The following UBA2 variants were observed in gnomAD, a reference collection of about 807,000 sequenced individuals.
UBA2 encodes the protein SUMO-activating enzyme subunit 2.
In UBA2, 11 loss-of-function variants were observed where a neutral mutation model predicts 77.2. The observed-to-expected ratio is 0.14, with a 90% confidence interval of 0.09 to 0.24. The LOEUF (loss-of-function observed/expected upper bound fraction) is 0.24. Among genes scored for constraint, UBA2 ranks in the 10% least tolerant of loss-of-function variants. The probability of loss-of-function intolerance (pLI) is 1.00; values close to 1 mark genes in which losing one functional copy is unlikely to be tolerated. For missense variants in UBA2, 487 were observed against 781.7 expected (o/e 0.62, Z 4.50); for synonymous variants, 278 against 276.7 (o/e 1.00, Z -0.05).
intron 5 of UBA2, among the ~76,000 whole-genome samples, chr19:34,437,747 A>T (rs552649760): frequency 2.6e-5 from 4 of 152,098 alleles, no homozygotes; most frequent in Non-Finnish European, 4.4e-5. Flanking sequence ...TGTAATTTTA[A>T]ACTTGAATGT....
chr19:34,441,930 C>CA (rs71165656), intron 6 of UBA2, among the ~76,000 whole-genome samples: 94,134 of 136,328 alleles, frequency 0.69, 33,645 homozygotes, highest in Non-Finnish European at 0.82. Context: ...CAGAAAAAGA[C>CA]AAAAAAAAAA....
At chr19:34,447,493 A>G (rs1401165456) in intron 8 of UBA2, among the ~76,000 whole-genome samples, 1 of 152,202 alleles carries the variant, frequency 6.6e-6, no homozygotes, top group Non-Finnish European at 1.5e-5. Context: ...CAGTATCCTT[A>G]TTTCCATTCC....
chr19:34,448,342 C>T (rs553258709), intron 8 of UBA2, among the ~76,000 whole-genome samples: 2 of 152,222 alleles, frequency 1.3e-5, no homozygotes, highest in East Asian at 1.9e-4. Context: ...CACTTGTAAT[C>T]CTAGCACTTT....
chr19:34,446,958 T>C (rs2075438745), intron 8 of UBA2, among the ~76,000 whole-genome samples: 1 of 152,190 alleles, frequency 6.6e-6, no homozygotes, highest in African/African-American at 2.4e-5. Flanking sequence ...TACAGCCCTT[T>C]TCTAAAACAT....
At chr19:34,438,561 A>G (rs1405599630) in intron 5 of UBA2, 84 bp from the exon 6 acceptor site, 12 of 1,502,272 alleles carry the variant, frequency 8.0e-6, no homozygotes, top group Non-Finnish European at 1.1e-5. Context: ...GTTGGAATAT[A>G]GATGAATGAA....
intron 16 of UBA2, among the ~76,000 whole-genome samples, chr19:34,468,079 T>C (rs1184549640): frequency 6.6e-6 from 1 of 152,214 alleles, no homozygotes; most frequent in Admixed American, 6.5e-5. Context: ...GTGCTTGGTA[T>C]TTTTCCAAAT....
At chr19:34,451,893 TGGTC>T (rs2075503005) in intron 9 of UBA2, 84 bp from the exon 10 acceptor site, 1 of 659,422 alleles carries the variant, frequency 1.5e-6, no homozygotes, top group Non-Finnish European at 2.3e-6. Context: ...GATTTCTTAA[TGGTC>T]GGGGATTGAA....
chr19:34,438,941 G>T (rs2075338595), intron 6 of UBA2, among the ~76,000 whole-genome samples, 175 bp downstream of exon 6: 1 of 152,138 alleles, frequency 6.6e-6, no homozygotes, highest in Non-Finnish European at 1.5e-5. Flanking sequence ...GGGTGCGGTG[G>T]CTCACACCTG....
chr19:34,431,315 C>T (rs996960306), intron 2 of UBA2, among the ~76,000 whole-genome samples: 1 of 122,776 alleles, frequency 8.1e-6, no homozygotes, highest in Non-Finnish European at 1.6e-5. Flanking sequence ...TGGAGTGATG[C>T]GGTCATGGCT....
chr19:34,462,278 CAA>C (rs1216082156), intron 14 of UBA2, among the ~76,000 whole-genome samples: 1 of 152,146 alleles, frequency 6.6e-6, no homozygotes, highest in Non-Finnish European at 1.5e-5. Context: ...TTGAGATTTG[CAA>C]AGTCAGAACT....
At chr19:34,454,151 A>T (rs1356346806) in intron 10 of UBA2, 109 bp from the exon 11 acceptor site, 3 of 983,770 alleles carry the variant, frequency 3.0e-6, no homozygotes, top group African/African-American at 3.3e-5. Flanking sequence ...CTCTTGTTCT[A>T]GTCGAAAGTC....
intron 12 of UBA2, among the ~76,000 whole-genome samples, chr19:34,457,166 T>TAAAAAAAA (rs569078000): frequency 2.0e-5 from 1 of 51,042 alleles, no homozygotes; most frequent in East Asian, 9.7e-4. Flanking sequence ...TGGTCTCTAC[T>TAAAAAAAA]AAAAAAAAAA....
chr19:34,454,109 G>T, intron 10 of UBA2, 151 bp from the exon 11 acceptor site: 1 of 672,564 alleles, frequency 1.5e-6, no homozygotes, highest in Admixed American at 3.1e-5. Flanking sequence ...GCTACTGTGA[G>T]GTCCTAGCTG....
At chr19:34,451,549 T>G (rs1271233746) in intron 9 of UBA2, among the ~76,000 whole-genome samples, 15 of 128,156 alleles carry the variant, frequency 1.2e-4, no homozygotes, top group African/African-American at 4.2e-4. Flanking sequence ...TTTTTTTTTT[T>G]TTTTTTTTTT....
chr19:34,454,082 A>G (rs1247833047), intron 10 of UBA2, among the ~76,000 whole-genome samples, 178 bp from the exon 11 acceptor site: 17 of 151,920 alleles, frequency 1.1e-4, no homozygotes, highest in Non-Finnish European at 2.9e-5. Flanking sequence ...CCCACCCCCT[A>G]CTTAACCCAC....
At chr19:34,458,689 T>A in intron 12 of UBA2, 80 bp from the exon 13 acceptor site, 1 of 1,254,234 alleles carries the variant, frequency 8.0e-7, no homozygotes, top group Non-Finnish European at 1.1e-6. Flanking sequence ...ATTGGATATC[T>A]GGTAAACGAG....
intron 15 of UBA2, among the ~76,000 whole-genome samples, chr19:34,466,293 G>A (rs757010303): frequency 2.0e-5 from 3 of 152,104 alleles, no homozygotes; most frequent in African/African-American, 4.8e-5. Context: ...CCGAGATCAC[G>A]CTACTGCACT....
chr19:34,431,951 T>C lies in UBA2; in HGVS notation c.293+20T>C. 1 of 1,297,318 alleles carries C rather than the reference T, an allele frequency of 7.7e-7. No homozygotes were observed. The highest frequency in any genetic ancestry group is 1.1e-6 in the Non-Finnish European group (1 of 949,328). 80.4% of individuals were successfully genotyped at this position (1,297,318 alleles called of 1,614,324 possible). A position where few individuals can be genotyped will look rare whatever the true frequency, so the allele number is the denominator to read the frequency against. ...CATGAAGTATGCTATAGTGATTACATTGCAAAGTTGTATAAGGGTTTTGTA... is the reference window on the plus strand; with the variant it reads ...CATGAAGTATGCTATAGTGATTACACTGCAAAGTTGTATAAGGGTTTTGTA... On this transcript the variant is annotated intron_variant, in intron 3 of 16. Coordinates refer to ENST00000246548, the MANE Select transcript of UBA2 (RefSeq NM_005499.3).
chr19:34,439,238 G>C lies in UBA2; in HGVS notation c.581+472G>C, dbSNP rs191506199. 4.8e-3 allele frequency among the ~76,000 whole-genome samples: 718 copies of C among 150,834 alleles called. 3 individuals are homozygous for C. Among genetic ancestry groups the C allele is most frequent in the Non-Finnish European group, 5.5e-3 (371 of 67,804 alleles). On this transcript the variant is annotated intron_variant, in intron 6 of 16. Transcript: ENST00000246548. The stretch of plus-strand genomic sequence containing the variant: ...AAAAAAAAAAAATGTGGCCATGACT[G>C]TTCAGGAAACTTAGTCTTATATTGG...
Sources: allele counts gnomAD v4.1 joint callset (sites outside exome capture counted in the v4.1 genomes callset), GRCh38; gene constraint gnomAD v4.1.1; transcripts MANE v1.5; gene names NCBI Gene and HGNC (gene_info 2026-07-23, HGNC 2026-07-21).